The following MACROD2 variants were observed in gnomAD, a reference collection of about 807,000 sequenced individuals.
The protein encoded by MACROD2 is mono-ADP ribosylhydrolase 2.
Under a neutral mutation model 70.4 loss-of-function variants are expected in MACROD2, and 36 were observed. The observed-to-expected ratio is 0.51, with a 90% CI of 0.39 to 0.68. The LOEUF is 0.68. MACROD2 is among the 30% of genes least tolerant of loss of function. MACROD2 has a pLI of 0.00. For synonymous variants in MACROD2, 172 were observed against 178.8 expected (o/e 0.96, Z 0.30); for missense variants, 496 against 538.4 (o/e 0.92, Z 0.78).
At chr20:15,847,651 G>A (rs938723790) in intron 8 of MACROD2, among the ~76,000 whole-genome samples, 1 of 152,170 alleles carries the variant, frequency 6.6e-6, no homozygotes, top group Non-Finnish European at 1.5e-5. Context: ...AACAAGATTA[G>A]TATAATGGGT....
intron 3 of MACROD2, among the ~76,000 whole-genome samples, chr20:14,088,734 C>G (rs1423567799): frequency 6.6e-6 from 1 of 152,150 alleles, no homozygotes; most frequent in Non-Finnish European, 1.5e-5. Flanking sequence ...GCCATTTTCT[C>G]TTTTTGTGTC....
chr20:16,044,632 A>G lies in MACROD2; in HGVS notation c.1293A>G (p.Gln431=). ...NDPTESQQED[Q]LIAGAQDEAK... ...CAACAGAGAGTCAACAAGAAGATCA[A>G]CTAATAGGTAAGATGCCCCTTGTGG... Residue 431 remains glutamine, a synonymous_variant, in exon 17 of 18, where the codon CAA becomes CAG. Transcript: ENST00000684519. The G allele has an allele frequency of 1.2e-6, 2 of 1,612,528 alleles. No homozygotes were observed. Among genetic ancestry groups the G allele is most frequent in the Non-Finnish European group, 1.7e-6 (2 of 1,178,880 alleles).
At chr20:15,340,230 C>T (rs996976606) in intron 6 of MACROD2, among the ~76,000 whole-genome samples, 1 of 147,712 alleles carries the variant, frequency 6.8e-6, no homozygotes, top group Non-Finnish European at 1.5e-5. Flanking sequence ...CCTCTGCCTC[C>T]CAGGTTCAAG....
intron 5 of MACROD2, among the ~76,000 whole-genome samples, chr20:14,942,552 G>A (rs2074399047): frequency 6.6e-6 from 1 of 152,072 alleles, no homozygotes; most frequent in South Asian, 2.1e-4. Flanking sequence ...ATTTCTTTTA[G>A]AAAATATTCT....
At chr20:15,452,772 T>C (rs1201563028) in intron 7 of MACROD2, among the ~76,000 whole-genome samples, 1 of 152,170 alleles carries the variant, frequency 6.6e-6, no homozygotes, top group Non-Finnish European at 1.5e-5. Context: ...GAAGATATTA[T>C]TATTCAGACT....
intron 4 of MACROD2, among the ~76,000 whole-genome samples, chr20:14,507,526 A>T (rs365225): frequency 0.82 from 124,747 of 152,098 alleles, 51,566 homozygotes; most frequent in East Asian, 1. Context: ...TGGCCAAGTT[A>T]ATGTTATTTA....
At chr20:14,101,350 G>A (rs1462287115) in intron 3 of MACROD2, among the ~76,000 whole-genome samples, 2 of 152,040 alleles carry the variant, frequency 1.3e-5, no homozygotes, top group African/African-American at 4.8e-5. Flanking sequence ...ATAAAATGAT[G>A]AGAAAAACAG....
At chr20:14,703,209 T>A (rs2071227648) in intron 5 of MACROD2, among the ~76,000 whole-genome samples, 1 of 152,146 alleles carries the variant, frequency 6.6e-6, no homozygotes, top group African/African-American at 2.4e-5. Flanking sequence ...ATTTTTTGGG[T>A]ACATAATGTC....
intron 5 of MACROD2, among the ~76,000 whole-genome samples, chr20:14,702,823 G>C (rs2071223337): frequency 2.7e-5 from 4 of 150,724 alleles, no homozygotes; most frequent in Non-Finnish European, 5.9e-5. Flanking sequence ...TGCCTCCTGG[G>C]TTCAAGCAAT....
chr20:15,292,938 T>G (rs1307310589), intron 6 of MACROD2, among the ~76,000 whole-genome samples: 2 of 152,220 alleles, frequency 1.3e-5, no homozygotes, highest in Non-Finnish European at 2.9e-5. Context: ...GGAAGGGAAC[T>G]TGCATATTAT....
intron 3 of MACROD2, among the ~76,000 whole-genome samples, chr20:14,404,663 C>G (rs542530138): frequency 2.6e-5 from 4 of 152,004 alleles, no homozygotes; most frequent in Non-Finnish European, 4.4e-5. Flanking sequence ...TCACCAAAGG[C>G]AGAGAAGATT....
chr20:14,545,342 C>A (rs1177631866), intron 4 of MACROD2, among the ~76,000 whole-genome samples: 1 of 152,150 alleles, frequency 6.6e-6, no homozygotes, highest in Non-Finnish European at 1.5e-5. Flanking sequence ...TTCCTCTGAA[C>A]TCACTTCCTA....
chr20:15,290,638 C>G (rs2077533228), intron 6 of MACROD2, among the ~76,000 whole-genome samples: 1 of 152,204 alleles, frequency 6.6e-6, no homozygotes, highest in Non-Finnish European at 1.5e-5. Context: ...AAGAACTCCA[C>G]CAAGCCGTGA....
At chr20:15,785,817 A>G (rs2051915838) in intron 8 of MACROD2, among the ~76,000 whole-genome samples, 1 of 152,210 alleles carries the variant, frequency 6.6e-6, no homozygotes, top group African/African-American at 2.4e-5. Flanking sequence ...AACTTTAAAA[A>G]TCAATAATAC....
chr20:14,375,321 A>C (rs1268561749), intron 3 of MACROD2, among the ~76,000 whole-genome samples: 1 of 152,188 alleles, frequency 6.6e-6, no homozygotes, highest in Non-Finnish European at 1.5e-5. Context: ...TATATATTTA[A>C]AGCTTTGCCA....
At chr20:14,487,198 C>A (rs1336404289) in intron 3 of MACROD2, among the ~76,000 whole-genome samples, 1 of 152,156 alleles carries the variant, frequency 6.6e-6, no homozygotes, top group East Asian at 1.9e-4. Flanking sequence ...TAAATCAGGT[C>A]ATGGAATGGG....
At chr20:15,950,716 A>G (rs1210943917) in intron 12 of MACROD2, among the ~76,000 whole-genome samples, 1 of 152,156 alleles carries the variant, frequency 6.6e-6, no homozygotes, top group Non-Finnish European at 1.5e-5. Flanking sequence ...ATTTTATAGC[A>G]TCTTTGATGA....
intron 10 of MACROD2, among the ~76,000 whole-genome samples, chr20:15,894,726 T>C (rs977406468): frequency 1.3e-5 from 2 of 152,224 alleles, no homozygotes; most frequent in Non-Finnish European, 2.9e-5. Context: ...TGGCTGTTGT[T>C]ATCAATATGA....
At chr20:15,442,059 T>TC (rs1300946225) in intron 7 of MACROD2, among the ~76,000 whole-genome samples, 4 of 152,280 alleles carry the variant, frequency 2.6e-5, no homozygotes, top group Non-Finnish European at 5.9e-5. Context: ...TGCTTGTTTT[T>TC]CTCATCTAGT....
Sources: gnomAD v4.1 joint callset for allele counts (sites outside exome capture counted in the v4.1 genomes callset) on GRCh38, gnomAD v4.1.1 for gene constraint, MANE v1.5 for transcripts, NCBI Gene and HGNC (gene_info 2026-07-23, HGNC 2026-07-21) for gene names.